CDH13: variants seen among roughly 807,000 people sequenced by gnomAD.
CDH13 encodes the protein cadherin-13.
A neutral mutation model predicts 63.8 loss-of-function variants in CDH13; 24 were observed. The observed-to-expected ratio is 0.38, with a 90% CI of 0.27 to 0.53. The LOEUF is 0.53. Ranked by LOEUF, CDH13 falls within the 20% of genes least tolerant of loss-of-function variation. The pLI is 0.85. For synonymous variants in CDH13, 503 were observed against 355.3 expected, an observed-to-expected ratio of 1.42 and a Z score of -4.67; for missense variants, 1,049 against 903.1, an observed-to-expected ratio of 1.16 and a Z score of -2.07.
At chr16:83,682,718 C>G (rs1449456705) in intron 10 of CDH13, among the ~76,000 whole-genome samples, 3 of 152,114 alleles carry the variant, frequency 2.0e-5, no homozygotes, top group African/African-American at 7.2e-5. Flanking sequence ...CTCTCCCCAC[C>G]CCACCATCTC....
In CDH13 at chr16:83,780,132, G is replaced by A; in HGVS notation, c.1846G>A (p.Asp616Asn). The change falls in exon 12 of 14, where the codon GAT becomes AAT. Residue 616 changes from aspartate to asparagine, a missense_variant. Physicochemically the swap from Asp to Asn is conservative, Grantham distance 23 (BLOSUM62 1). Coordinates refer to ENST00000567109, the MANE Select transcript of CDH13 (RefSeq NM_001257.5). Reference sequence around the variant, plus strand: ...AGATAAGGATCTTCACCCGAATACAGATCCTTTCAAATTTGAAATCCACAA... The same window carrying A: ...AGATAAGGATCTTCACCCGAATACAAATCCTTTCAAATTTGAAATCCACAA... ...ASDKDLHPNT[D>N]PFKFEIHKQA... 5.6e-6 allele frequency: 9 copies of A among 1,613,186 alleles called. No homozygotes were observed. Among genetic ancestry groups the A allele is most frequent in the South Asian group, 1.1e-5 (1 of 90,858 alleles).
At chr16:83,430,823 T>C (rs2072076834) in intron 6 of CDH13, among the ~76,000 whole-genome samples, 1 of 143,396 alleles carries the variant, frequency 7.0e-6, no homozygotes, top group African/African-American at 2.5e-5. Context: ...ACACCAGTTC[T>C]TTTTTTTTTA....
At chr16:83,279,060 A>G (rs2089080799) in intron 5 of CDH13, among the ~76,000 whole-genome samples, 1 of 149,566 alleles carries the variant, frequency 6.7e-6, no homozygotes, top group Non-Finnish European at 1.5e-5. Context: ...GAATGAATCA[A>G]CTACTTTTGT....
intron 2 of CDH13, among the ~76,000 whole-genome samples, chr16:82,904,576 T>G (rs1030416041): frequency 2.0e-5 from 3 of 152,148 alleles, no homozygotes; most frequent in African/African-American, 7.2e-5. Context: ...CCCAGCAAAA[T>G]GCAGGGGTTG....
intron 7 of CDH13, among the ~76,000 whole-genome samples, chr16:83,594,107 C>T (rs1035197392): frequency 2.6e-5 from 4 of 152,220 alleles, no homozygotes; most frequent in African/African-American, 4.8e-5. Context: ...GAAGGCTCCA[C>T]TTCCAAGTTC....
intron 3 of CDH13, among the ~76,000 whole-genome samples, chr16:83,045,470 C>G (rs757374470): frequency 6.6e-6 from 1 of 151,802 alleles, no homozygotes; most frequent in Admixed American, 6.6e-5. Context: ...AACCCTATCT[C>G]TACTAAAAAT....
At chr16:82,837,978 C>T (rs760962852) in intron 1 of CDH13, among the ~76,000 whole-genome samples, 8 of 152,142 alleles carry the variant, frequency 5.3e-5, no homozygotes, top group African/African-American at 1.2e-4. Context: ...CTCTTTTCTG[C>T]CCAGGACTAG....
chr16:83,472,821 G>C (rs1031413664), intron 6 of CDH13, among the ~76,000 whole-genome samples: 18 of 152,158 alleles, frequency 1.2e-4, no homozygotes, highest in African/African-American at 4.1e-4. Context: ...CCTACTGTGT[G>C]GCTGGCCCTG....
At chr16:83,524,207 A>C (rs2074904146) in intron 7 of CDH13, among the ~76,000 whole-genome samples, 1 of 152,206 alleles carries the variant, frequency 6.6e-6, no homozygotes, top group Non-Finnish European at 1.5e-5. Context: ...TAAGAGAATA[A>C]ATAATGCATT....
At position 83,440,143 on chromosome 16, in the gene CDH13, A is replaced by G. The variant is rs139098654; in HGVS notation, c.782-46334A>G. ...GAGAATGGCTTGTTGGGGATGGAGA[A>G]AAAGGGAAAGGAGGTTCAAAAAGTG... On this transcript the variant is annotated intron_variant, in intron 6 of 13. Coordinates refer to ENST00000567109, the MANE Select transcript of CDH13 (RefSeq NM_001257.5). Among the ~76,000 whole-genome samples the G allele has an allele frequency of 9.8e-5, 15 of 152,302 alleles. No homozygotes were observed. The East Asian group carries it at 2.9e-3, about 29-fold the overall frequency.
chr16:83,152,531 T>A (rs954817155), intron 4 of CDH13, among the ~76,000 whole-genome samples: 7 of 152,168 alleles, frequency 4.6e-5, no homozygotes, highest in African/African-American at 1.4e-4. Context: ...CTACTTGAAA[T>A]ATTTCTATAT....
intron 7 of CDH13, among the ~76,000 whole-genome samples, chr16:83,530,039 A>G (rs1434462580): frequency 6.6e-6 from 1 of 152,144 alleles, no homozygotes; most frequent in Non-Finnish European, 1.5e-5. Flanking sequence ...GCAGACACTG[A>G]GCTGGACATG....
At chr16:83,127,865 AAG>A (rs2035879756) in intron 4 of CDH13, among the ~76,000 whole-genome samples, 1 of 152,226 alleles carries the variant, frequency 6.6e-6, no homozygotes, top group Non-Finnish European at 1.5e-5. Flanking sequence ...AAATCTTTTT[AAG>A]AGTCTGGGAC....
At chr16:82,791,567 G>A (rs1462981080) in intron 1 of CDH13, among the ~76,000 whole-genome samples, 1 of 152,180 alleles carries the variant, frequency 6.6e-6, no homozygotes, top group Non-Finnish European at 1.5e-5. Context: ...GTCTGTGCTT[G>A]TTAGGGCTTG....
At chr16:82,681,687 A>G (rs1264945321) in intron 1 of CDH13, among the ~76,000 whole-genome samples, 1 of 152,180 alleles carries the variant, frequency 6.6e-6, no homozygotes, top group Non-Finnish European at 1.5e-5. Context: ...CTCAGCTTCC[A>G]GTAGCCAGCG....
chr16:83,616,622 A>T (rs1909304854), intron 8 of CDH13, among the ~76,000 whole-genome samples: 1 of 152,258 alleles, frequency 6.6e-6, no homozygotes, highest in African/African-American at 2.4e-5. Context: ...TACTTTTTTA[A>T]CTCTAAGAAT....
At chr16:82,677,063 T>C (rs1914010012) in intron 1 of CDH13, among the ~76,000 whole-genome samples, 1 of 152,206 alleles carries the variant, frequency 6.6e-6, no homozygotes, top group African/African-American at 2.4e-5. Flanking sequence ...TTTGTATTTT[T>C]AGTAGAGACG....
intron 4 of CDH13, among the ~76,000 whole-genome samples, chr16:83,189,091 T>C (rs1207584969): frequency 1.3e-5 from 2 of 152,242 alleles, no homozygotes; most frequent in Non-Finnish European, 2.9e-5. Flanking sequence ...AGGAACTCGA[T>C]GCCCTGTTTC....
chr16:83,278,756 C>A (rs1216701284), intron 5 of CDH13, among the ~76,000 whole-genome samples: 1 of 152,178 alleles, frequency 6.6e-6, no homozygotes, highest in East Asian at 1.9e-4. Flanking sequence ...CTGGAGCAAA[C>A]TCCTTGAGAG....
Sources: gnomAD v4.1 joint callset for allele counts (sites outside exome capture counted in the v4.1 genomes callset) on GRCh38, gnomAD v4.1.1 for gene constraint, MANE v1.5 for transcripts, NCBI Gene and HGNC (gene_info 2026-07-23, HGNC 2026-07-21) for gene names.